The following FERMT1 variants were observed in gnomAD, a reference collection of about 807,000 sequenced individuals.
FERMT1 encodes fermitin family homolog 1.
A neutral mutation model predicts 85.3 loss-of-function variants in FERMT1; 60 were observed. The ratio of observed to expected loss-of-function variants is 0.70; its 90% CI spans 0.57 to 0.87. FERMT1 has a LOEUF of 0.87. FERMT1 is among the 40% of genes least tolerant of loss of function. The probability of loss-of-function intolerance (pLI) is 0.00; values close to 1 mark genes in which losing one functional copy is unlikely to be tolerated. For missense variants in FERMT1, 701 were observed against 818.9 expected (o/e 0.86, Z 1.76); for synonymous variants, 275 against 301.1 (o/e 0.91, Z 0.90).
At chr20:6,117,091 T>G (rs1184820008) in intron 2 of FERMT1, among the ~76,000 whole-genome samples, 1 of 152,182 alleles carries the variant, frequency 6.6e-6, no homozygotes, top group East Asian at 1.9e-4. Context: ...TTTTCTCCCT[T>G]TCAATGTTAG....
At chr20:6,087,538 T>C (rs1166388951) in intron 11 of FERMT1, 1 of 475,474 alleles carries the variant, frequency 2.1e-6, no homozygotes, top group Non-Finnish European at 4.0e-6. Context: ...CTTGAACTCC[T>C]GACCTCAGGT....
chr20:6,087,750 A>G, intron 11 of FERMT1, 27 bp downstream of exon 11: 1 of 1,248,386 alleles, frequency 8.0e-7, no homozygotes, highest in Non-Finnish European at 1.2e-6. Flanking sequence ...AGGTGAAGTG[A>G]CTTAATATTT....
At chr20:6,116,125 T>C (rs1382044891) in intron 2 of FERMT1, 81 bp from the exon 3 acceptor site, 8 of 988,920 alleles carry the variant, frequency 8.1e-6, no homozygotes, top group Non-Finnish European at 1.1e-5. Context: ...TCAATTTCAT[T>C]GTGTGCGAAA....
At chr20:6,122,388 G>C (rs114924759) in intron 1 of FERMT1, among the ~76,000 whole-genome samples, 139 of 152,326 alleles carry the variant, frequency 9.1e-4, no homozygotes, top group African/African-American at 3.3e-3. Flanking sequence ...CGAAAGCATG[G>C]AGGGATGGAG....
chr20:6,122,451 A>C (rs1300215673), intron 1 of FERMT1, among the ~76,000 whole-genome samples: 1 of 152,190 alleles, frequency 6.6e-6, no homozygotes, highest in Non-Finnish European at 1.5e-5. Context: ...TTCCCCTGGA[A>C]TATCTGAAGG....
In FERMT1 at chr20:6,075,768, G is replaced by A. The variant is rs1367912427; in HGVS notation, c.*1405C>T. 2 of 152,326 alleles carry A rather than the reference G, an allele frequency of 1.3e-5. No individual in the cohort carries two copies. Among genetic ancestry groups the A allele is most frequent in the African/African-American group, 4.8e-5 (2 of 41,436 alleles). The allele number at this position is 152,326 out of a possible 1,614,324, so 9.4% of individuals were successfully genotyped here. ...GCATCCTAGGAGAACTGAAAAATGG[G>A]ATTGGAGCTTTTGCCTTATCCTTAC... On this transcript the variant is annotated 3_prime_UTR_variant, in exon 15 of 15. Transcript: ENST00000217289.
At chr20:6,084,695 C>CCTTT (rs1982110010) in intron 12 of FERMT1, among the ~76,000 whole-genome samples, 1 of 144,266 alleles carries the variant, frequency 6.9e-6, no homozygotes, top group African/African-American at 2.6e-5. Context: ...GGAATTACTC[C>CCTTT]TTTTTTTTTT....
chr20:6,083,604 G>C lies in FERMT1; in HGVS notation c.1718+436C>G, dbSNP rs568459507. On this transcript the variant is annotated intron_variant, in intron 13 of 14. Transcript: ENST00000217289. ...AGCACTTTGGGAGGCTGAGGTGGGA[G>C]GATTGCTTGAGATCAGGAGTTCGAG... 2.7e-3 allele frequency among the ~76,000 whole-genome samples: 410 copies of C among 150,850 alleles called. 2 individuals are homozygous for C. The highest frequency in any genetic ancestry group is 4.6e-3 in the Non-Finnish European group (311 of 67,852).
intron 13 of FERMT1, among the ~76,000 whole-genome samples, chr20:6,083,648 A>G (rs7265742): frequency 0.31 from 42,869 of 139,786 alleles, 7,455 homozygotes; most frequent in East Asian, 0.62. Context: ...GGGCGGCAAA[A>G]TGAGACACCC....
chr20:6,112,153 A>G (rs2326718), intron 4 of FERMT1, among the ~76,000 whole-genome samples: 89,290 of 151,934 alleles, frequency 0.59, 26,701 homozygotes, highest in East Asian at 0.84. Flanking sequence ...TGGGATTACA[A>G]GCATGAGGCA....
At chr20:6,090,039 C>T (rs767042550) in intron 9 of FERMT1, among the ~76,000 whole-genome samples, 2 of 152,004 alleles carry the variant, frequency 1.3e-5, no homozygotes, top group Non-Finnish European at 1.5e-5. Context: ...CTTGGTGTTC[C>T]TCTTGGAGAA....
chr20:6,119,982 A>G (rs1983222783), intron 1 of FERMT1, among the ~76,000 whole-genome samples: 1 of 152,166 alleles, frequency 6.6e-6, no homozygotes, highest in South Asian at 2.1e-4. Context: ...ATTTGCATGT[A>G]ATAAAATGCG....
At position 6,104,016 on chromosome 20, in the gene FERMT1, A is replaced by C. The variant is rs1468138145; in HGVS notation, c.849+3516T>G. On this transcript the variant is annotated intron_variant, in intron 6 of 14. Coordinates refer to ENST00000217289, the MANE Select transcript of FERMT1 (RefSeq NM_017671.5). This position sits in a 1 kb window ranked among gnomAD's most constrained non-coding sequence, Gnocchi z 4.2. Reference sequence around the variant, plus strand: ...CTCCCAAGTAGCTGGGATTGCAGGCACATGCCATCATGCCTGGCTAATTTT... The same window carrying C: ...CTCCCAAGTAGCTGGGATTGCAGGCCCATGCCATCATGCCTGGCTAATTTT... 2.0e-5 allele frequency among the ~76,000 whole-genome samples: 3 copies of C among 151,982 alleles called. No homozygotes were observed. Among genetic ancestry groups the C allele is most frequent in the Non-Finnish European group, 4.4e-5 (3 of 67,978 alleles).
At chr20:6,084,827 G>A (rs1364205153) in intron 12 of FERMT1, among the ~76,000 whole-genome samples, 2 of 151,900 alleles carry the variant, frequency 1.3e-5, no homozygotes, top group Non-Finnish European at 2.9e-5. Flanking sequence ...CCAAGTAGCT[G>A]GGATTACAGG....
chr20:6,119,378 GA>G (rs1365938322), intron 2 of FERMT1, 25 bp downstream of exon 2: 13 of 1,612,740 alleles, frequency 8.1e-6, no homozygotes, highest in Non-Finnish European at 1.1e-5. Flanking sequence ...CTAATACAGA[GA>G]AACCGTAAAG....
chr20:6,095,679 T>C (rs1041862710), intron 8 of FERMT1, among the ~76,000 whole-genome samples: 2 of 152,236 alleles, frequency 1.3e-5, no homozygotes, highest in Non-Finnish European at 2.9e-5. Flanking sequence ...TTGTATTTAT[T>C]CAGCGGAGAA....
Position 6,110,380 on chromosome 20 carries a change from T to A in FERMT1, c.664A>T (p.Ser222Cys), listed in dbSNP as rs1245231992. ...TEQNCSILAF[S>C]QPPQSPEALA... is the part of the protein sequence containing the mutation. The stretch of plus-strand genomic sequence containing the variant: ...GCTTCTGGGGACTGGGGGGGTTGGC[T>A]GAATGCGAGGATGCTGCAGTTTTGT... The change falls in exon 5 of 15, where the codon AGC (serine) becomes TGC (cysteine). Residue 222 changes from serine (S) to cysteine (C), a missense_variant. Physicochemically the swap from Ser to Cys is moderately radical, Grantham distance 112. Transcript: ENST00000217289. 1.2e-6 allele frequency: 2 copies of A among 1,613,964 alleles called. No homozygotes were observed. Among genetic ancestry groups the A allele is most frequent in the East Asian group, 4.5e-5 (2 of 44,874 alleles).
chr20:6,109,770 G>A (rs1043837711), intron 5 of FERMT1, among the ~76,000 whole-genome samples: 5 of 151,988 alleles, frequency 3.3e-5, no homozygotes, highest in South Asian at 2.1e-4. Flanking sequence ...GCATGGTGGC[G>A]CATGCCTGTA....
chr20:6,106,925 C>A (rs554512833), intron 6 of FERMT1, among the ~76,000 whole-genome samples: 1 of 152,132 alleles, frequency 6.6e-6, no homozygotes, highest in Non-Finnish European at 1.5e-5. Flanking sequence ...TGGCCAGATG[C>A]GATGGCTCAT....
Sources: allele counts gnomAD v4.1 joint callset (sites outside exome capture counted in the v4.1 genomes callset), GRCh38; gene constraint gnomAD v4.1.1; non-coding constraint Gnocchi (gnomAD v3.1); transcripts MANE v1.5; gene names NCBI Gene and HGNC (gene_info 2026-07-23, HGNC 2026-07-21).